ENTPD6: variants seen among roughly 807,000 people sequenced by gnomAD.
ENTPD6 encodes ectonucleoside triphosphate diphosphohydrolase 6.
ENTPD6 carries 46 observed loss-of-function variants against 61.5 expected under a neutral mutation model. That is an observed-to-expected ratio of 0.75 (90% CI 0.59 to 0.96). The LOEUF (loss-of-function observed/expected upper bound fraction) is 0.96. Ranked by LOEUF, ENTPD6 falls within the 40% of genes least tolerant of loss-of-function variation. The pLI, the probability that ENTPD6 is intolerant of heterozygous loss-of-function variation, is 0.00. For synonymous variants in ENTPD6, 252 were observed against 255.5 expected (o/e 0.99, Z 0.13); for missense variants, 612 against 629.0 (o/e 0.97, Z 0.29).
At chr20:25,197,677 G>C (rs1158379428) in intron 1 of ENTPD6, among the ~76,000 whole-genome samples, 4 of 152,228 alleles carry the variant, frequency 2.6e-5, no homozygotes, top group Non-Finnish European at 4.4e-5. Context: ...GTTCCTTGGG[G>C]AGAGGGGATG....
chr20:25,213,271 G>A lies in ENTPD6; in HGVS notation c.462G>A (p.Gln154=), dbSNP rs1334825957. The A allele has an allele frequency of 1.2e-6, 2 of 1,614,266 alleles. No individual in the cohort carries two copies. ...TCTTACCACGTTCACAGAGCGCTCAGGGAATCCGGGAACTACTGGATGTTG... is the reference window on the plus strand; with the variant it reads ...TCTTACCACGTTCACAGAGCGCTCAAGGAATCCGGGAACTACTGGATGTTG... ...AYADDVEKSA[Q]GIRELLDVAK... Residue 154 remains glutamine, a synonymous_variant, in exon 5 of 15, where the codon CAG becomes CAA. Transcript: ENST00000376652.
chr20:25,219,000 G>A (rs753394356), intron 10 of ENTPD6, among the ~76,000 whole-genome samples: 2 of 152,138 alleles, frequency 1.3e-5, no homozygotes, highest in Admixed American at 6.5e-5. Flanking sequence ...TCATACCTCC[G>A]CCTCCCCAGT....
intron 7 of ENTPD6, 100 bp downstream of exon 7, chr20:25,215,811 G>A: frequency 7.8e-7 from 1 of 1,281,802 alleles, no homozygotes; most frequent in Non-Finnish European, 1.1e-6. Flanking sequence ...TGCTCTTTAA[G>A]ATAACCCCTC....
chr20:25,216,284 G>A (rs1321484052), intron 7 of ENTPD6, among the ~76,000 whole-genome samples: 1 of 152,206 alleles, frequency 6.6e-6, no homozygotes, highest in Non-Finnish European at 1.5e-5. Flanking sequence ...GGATAGAAAT[G>A]TTAGGAGATG....
intron 1 of ENTPD6, among the ~76,000 whole-genome samples, chr20:25,196,747 C>T (rs1021383540): frequency 3.9e-5 from 6 of 152,182 alleles, no homozygotes; most frequent in Non-Finnish European, 8.8e-5. Context: ...GACTCTTCCT[C>T]CCACCCGCTG....
At chr20:25,212,679 C>T (rs543668491) in intron 4 of ENTPD6, among the ~76,000 whole-genome samples, 1 of 152,184 alleles carries the variant, frequency 6.6e-6, no homozygotes, top group East Asian at 1.9e-4. Context: ...CACAGAGACA[C>T]AGCGTCTCTA....
chr20:25,216,920 T>G (rs770006865), intron 8 of ENTPD6, among the ~76,000 whole-genome samples, 184 bp downstream of exon 8: 1 of 152,192 alleles, frequency 6.6e-6, no homozygotes, highest in Non-Finnish European at 1.5e-5. Context: ...TGCTTCTGGC[T>G]TGGAGTTTTA....
intron 3 of ENTPD6, among the ~76,000 whole-genome samples, chr20:25,209,376 C>T (rs2091785927): frequency 6.6e-6 from 1 of 151,690 alleles, no homozygotes; most frequent in Admixed American, 6.6e-5. Context: ...TCCCAAAGTG[C>T]TGGGATTACA....
intron 1 of ENTPD6, among the ~76,000 whole-genome samples, chr20:25,198,991 G>A (rs1029206922): frequency 1.3e-5 from 2 of 152,186 alleles, no homozygotes; most frequent in African/African-American, 4.8e-5. Flanking sequence ...ACCCAGTCCT[G>A]TGGCATCTAT....
chr20:25,208,833 G>T (rs937405112), intron 3 of ENTPD6, among the ~76,000 whole-genome samples: 2 of 152,206 alleles, frequency 1.3e-5, no homozygotes, highest in African/African-American at 4.8e-5. Context: ...GAATTGGCAA[G>T]AATTAACTAT....
At chr20:25,196,217 C>T (rs1448649680) in intron 1 of ENTPD6, 4 of 1,170,822 alleles carry the variant, frequency 3.4e-6, no homozygotes, top group Non-Finnish European at 4.2e-6. Flanking sequence ...TGGATGAGCC[C>T]GGCGGGGAAG....
In ENTPD6 at chr20:25,223,937, C is replaced by T. The variant is rs544012245; in HGVS notation, c.1187-164C>T. The stretch of plus-strand genomic sequence containing the variant: ...ACCCCACACCACATCACCCAGAAGC[C>T]GTCCTCAGAGCACGTGAGTGCCGCC... On this transcript the variant is annotated intron_variant, in intron 12 of 14. Transcript: ENST00000376652. 7.6e-4 allele frequency: 416 copies of T among 548,712 alleles called. 1 individual carries two copies. The highest frequency in any genetic ancestry group is 7.4e-3 in the African/African-American group (382 of 51,760). 34.0% of individuals were successfully genotyped at this position (548,712 alleles called of 1,614,324 possible).
intron 5 of ENTPD6, 75 bp downstream of exon 5, chr20:25,213,481 A>C: frequency 7.5e-6 from 11 of 1,471,228 alleles, no homozygotes; most frequent in Non-Finnish European, 9.2e-6. Context: ...CTGCTGTCTC[A>C]CCAGTGCCGC....
At position 25,225,608 on chromosome 20, in the gene ENTPD6, A is replaced by G. The variant is rs1462181560; in HGVS notation, c.*11A>G. ...AGTCCAGCCTCATAGTGGCCGAGCC[A>G]TCCCTGTCCCCGTCAGCAGTGTCTG... On this transcript the variant is annotated 3_prime_UTR_variant, in exon 15 of 15. Transcript: ENST00000376652. 1 of 1,609,604 alleles carries G rather than the reference A, an allele frequency of 6.2e-7. No homozygotes were observed. Among genetic ancestry groups the G allele is most frequent in the African/African-American group, 1.3e-5 (1 of 74,906 alleles).
chr20:25,223,860 G>A lies in ENTPD6; in HGVS notation c.1187-241G>A, dbSNP rs545003461. 117 of 367,480 alleles carry A rather than the reference G, an allele frequency of 3.2e-4. No homozygotes were observed. In the East Asian group the frequency reaches 3.6e-3, roughly 11 times the overall value. The allele number at this position is 367,480 out of a possible 1,614,324, so 22.8% of individuals were successfully genotyped here. A position where few individuals can be genotyped will look rare whatever the true frequency, so the allele number is the denominator to read the frequency against. ...TCCTGGGTTCCTGGTGAGCTTTCTC[G>A]GGGGACACTGCAGGGTTGGGTTGTG... On this transcript the variant is annotated intron_variant, in intron 12 of 14. Transcript: ENST00000376652.
In ENTPD6 at chr20:25,213,343, C is replaced by G; in HGVS notation, c.534C>G (p.Val178=). The G allele has an allele frequency of 6.2e-7, 1 of 1,614,198 alleles. No individual in the cohort carries two copies. ...ACTTCTGGAAGGCCACCCCTCTGGT[C>G]CTCAAGGCCACAGCTGGCTTACGCC... The part of the protein sequence containing the change: ...PFDFWKATPL[V]LKATAGLRLL... Residue 178 remains valine (V), a synonymous_variant, in exon 5 of 15, where the codon GTC becomes GTG. Coordinates refer to ENST00000376652, the MANE Select transcript of ENTPD6 (RefSeq NM_001247.5).
intron 3 of ENTPD6, 101 bp from the exon 4 acceptor site, chr20:25,209,748 T>C: frequency 2.0e-6 from 2 of 977,654 alleles, no homozygotes; most frequent in East Asian, 2.4e-5. Flanking sequence ...GGGATTGGTC[T>C]GTGTTAGTGT....
rs923874486 is a variant in ENTPD6, at chr20:25,217,615, A to G, written c.878+34A>G. 2.5e-6 allele frequency: 4 copies of G among 1,589,208 alleles called. No individual in the cohort carries two copies. The African/African-American group carries it at 4.0e-5, about 16-fold the overall frequency. On this transcript the variant is annotated intron_variant, in intron 9 of 14. Transcript: ENST00000376652. ...TCGGGAACAGGCGTGGGGAGGCGCC[A>G]TGGGGTGGGTATGCAGCTCCCAGGG...
intron 6 of ENTPD6, among the ~76,000 whole-genome samples, chr20:25,215,234 C>T (rs1707774958): frequency 6.6e-6 from 1 of 152,198 alleles, no homozygotes; most frequent in Non-Finnish European, 1.5e-5. Context: ...GTTTTAAGAA[C>T]ATTTGGAGAG....
Sources: gnomAD v4.1 joint callset for allele counts (sites outside exome capture counted in the v4.1 genomes callset) on GRCh38, gnomAD v4.1.1 for gene constraint, MANE v1.5 for transcripts, NCBI Gene and HGNC (gene_info 2026-07-23, HGNC 2026-07-21) for gene names.